Variants in RABL6 observed in about 807,000 individuals in gnomAD.
The protein encoded by RABL6 is RAB, member RAS oncogene family like 6.
A neutral mutation model predicts 72.9 loss-of-function variants in RABL6; 28 were observed. The observed-to-expected ratio is 0.38, with a 90% CI of 0.28 to 0.53. RABL6 has a LOEUF of 0.53. Among genes scored for constraint, RABL6 ranks in the 20% least tolerant of loss-of-function variants. The pLI, the probability that RABL6 is intolerant of heterozygous loss-of-function variation, is 0.80. For missense variants in RABL6, 1,029 were observed against 1,008.4 expected (o/e 1.02, Z -0.28); for synonymous variants, 477 against 421.2 (o/e 1.13, Z -1.62).
intron 1 of RABL6, 27 bp from the exon 2 acceptor site, chr9:136,823,498 C>T (rs747803921): frequency 8.1e-6 from 13 of 1,612,200 alleles, no homozygotes; most frequent in Non-Finnish European, 1.1e-5. Flanking sequence ...TTTAATTTGC[C>T]TTTTCTTTTT....
intron 1 of RABL6, among the ~76,000 whole-genome samples, chr9:136,822,823 T>C (rs1224288894): frequency 6.6e-6 from 1 of 152,220 alleles, no homozygotes; most frequent in Non-Finnish European, 1.5e-5. Context: ...TCGCAGTGGC[T>C]CACGTCTGTA....
chr9:136,832,013 G>C (rs1268319472), intron 6 of RABL6, 152 bp downstream of exon 6: 1 of 1,217,882 alleles, frequency 8.2e-7, no homozygotes, highest in East Asian at 2.6e-5. Context: ...CTGAAGCCTG[G>C]GTCTCCCCGA....
chr9:136,837,697 C>A (rs751507672), intron 9 of RABL6, 35 bp downstream of exon 9: 12 of 1,552,988 alleles, frequency 7.7e-6, no homozygotes, highest in African/African-American at 1.4e-5. Flanking sequence ...AAACTGGTCC[C>A]AGACCCCCAG....
chr9:136,808,207 C>T lies in RABL6; in HGVS notation c.11C>T (p.Ala4Val), dbSNP rs1169732614. Residue 4 changes from alanine to valine, a missense_variant, in exon 1 of 15, where the codon GCC becomes GTC. Transcript: ENST00000311502. The part of the protein sequence containing the change: MFS[A>V]LKKLVGSDQA... ...CGTCCGAGCGGGAAGATGTTTTCCG[C>T]CCTGAAGAAGCTGGTGGGGTCGGAC... is the stretch of plus-strand genomic sequence containing the variant. 4 of 1,541,248 alleles carry T rather than the reference C, an allele frequency of 2.6e-6. No individual in the cohort carries two copies. The highest frequency in any genetic ancestry group is 2.6e-5 in the East Asian group (1 of 37,808).
At chr9:136,824,857 A>T (rs972543023) in intron 2 of RABL6, among the ~76,000 whole-genome samples, 1 of 152,168 alleles carries the variant, frequency 6.6e-6, no homozygotes, top group Non-Finnish European at 1.5e-5. Flanking sequence ...CAGAAGCTCT[A>T]CCTGCCACCG....
intron 7 of RABL6, chr9:136,834,207 C>T: frequency 3.3e-6 from 4 of 1,223,630 alleles, no homozygotes; most frequent in African/African-American, 3.1e-5. Context: ...TCAAACACAT[C>T]TCTAAAAAAA....
intron 8 of RABL6, 45 bp from the exon 9 acceptor site, chr9:136,837,301 G>T (rs758986120): frequency 5.8e-6 from 9 of 1,542,356 alleles, no homozygotes; most frequent in Non-Finnish European, 7.9e-6. Flanking sequence ...GGGCCTCAGG[G>T]AGAGGCAGGG....
intron 12 of RABL6, 72 bp downstream of exon 12, chr9:136,839,558 G>A (rs1201432678): frequency 1.3e-6 from 2 of 1,559,724 alleles, no homozygotes; most frequent in Non-Finnish European, 1.7e-6. Context: ...GATCTGGGTG[G>A]GTGCAGTGGG....
At chr9:136,821,712 T>A in intron 1 of RABL6, 1 of 1,021,402 alleles carries the variant, frequency 9.8e-7, no homozygotes, top group Non-Finnish European at 1.2e-6. Flanking sequence ...CGCCTGCGGC[T>A]CCGCTTGGGG....
chr9:136,809,514 T>G, intron 1 of RABL6: 1 of 236,734 alleles, frequency 4.2e-6, no homozygotes, highest in East Asian at 1.5e-4. Context: ...CGGTGGCTCA[T>G]GCCTGTAATC....
intron 10 of RABL6, 68 bp from the exon 11 acceptor site, chr9:136,838,841 A>C: frequency 7.2e-7 from 1 of 1,396,652 alleles, no homozygotes; most frequent in Non-Finnish European, 9.5e-7. Context: ...GCCTAGAACC[A>C]AGGCCCGTGA....
rs377030067 is a variant in RABL6, at chr9:136,808,125, G to A, written c.-72G>A. On this transcript the variant is annotated 5_prime_UTR_variant, in exon 1 of 15. Coordinates refer to ENST00000311502, the MANE Select transcript of RABL6 (RefSeq NM_024718.5). Reference sequence around the variant, plus strand: ...GGGGCCGGGGCCGCCGGGACATGGTGCCAGTCGCACCCCTTCCCCGCCGCC... The same window carrying A: ...GGGGCCGGGGCCGCCGGGACATGGTACCAGTCGCACCCCTTCCCCGCCGCC... The A allele has an allele frequency of 2.5e-3, 3,526 of 1,417,416 alleles. 74 individuals carry two copies. The African/African-American group carries it at 0.046, about 19-fold the overall frequency. The allele number at this position is 1,417,416 out of a possible 1,614,324, so 87.8% of individuals were successfully genotyped here.
intron 8 of RABL6, 54 bp downstream of exon 8, chr9:136,835,899 TGGTGCAGG>T: frequency 6.7e-7 from 1 of 1,489,082 alleles, no homozygotes. Flanking sequence ...GGCGTGGCCG[TGGTGCAGG>T]GCCATGGGCT....
chr9:136,809,062 T>C (rs1847943624), intron 1 of RABL6: 1 of 152,256 alleles, frequency 6.6e-6, no homozygotes, highest in African/African-American at 2.4e-5. Context: ...CCAGTAGTTT[T>C]TGAAAGCTTT....
chr9:136,820,409 T>C (rs768446048), intron 1 of RABL6, among the ~76,000 whole-genome samples: 1 of 151,904 alleles, frequency 6.6e-6, no homozygotes, highest in Non-Finnish European at 1.5e-5. Flanking sequence ...TTCTGTTCTG[T>C]TGCCCAGGCT....
chr9:136,833,340 C>G (rs1162392873), intron 7 of RABL6: 1 of 362,854 alleles, frequency 2.8e-6, no homozygotes, highest in African/African-American at 2.3e-5. Context: ...AACCTCCTCG[C>G]CCTGGGCTGC....
chr9:136,838,116 C>A, intron 10 of RABL6, 101 bp downstream of exon 10: 2 of 1,393,568 alleles, frequency 1.4e-6, no homozygotes, highest in Middle Eastern at 4.0e-4. Context: ...AAGGGGCCCC[C>A]CGCCGGCTGG....
At position 136,840,858 on chromosome 9, in the gene RABL6, G is replaced by A; in HGVS notation, c.*336G>A. On this transcript the variant is annotated 3_prime_UTR_variant, in exon 15 of 15. Transcript: ENST00000311502. ...TGTGAGGGTCTGTTTACAGAGGCTG[G>A]GCAGGGGCCGCTTGGCTGTGGGGTG... 6.5e-7 allele frequency: 1 copy of A among 1,540,336 alleles called. No homozygotes were observed. Among genetic ancestry groups the A allele is most frequent in the Non-Finnish European group, 8.8e-7 (1 of 1,141,912 alleles).
intron 4 of RABL6, 85 bp from the exon 5 acceptor site, chr9:136,829,308 A>G: frequency 2.0e-6 from 2 of 983,672 alleles, no homozygotes; most frequent in Admixed American, 4.1e-5. Flanking sequence ...AGATTAGAAG[A>G]CTATCCAGCC....
Sources: gnomAD v4.1 joint callset for allele counts (sites outside exome capture counted in the v4.1 genomes callset) on GRCh38, gnomAD v4.1.1 for gene constraint, MANE v1.5 for transcripts, NCBI Gene and HGNC (gene_info 2026-07-23, HGNC 2026-07-21) for gene names.